The following ADAM22 variants were observed in gnomAD, a reference collection of about 807,000 sequenced individuals.
The protein encoded by ADAM22 is disintegrin and metalloproteinase domain-containing protein 22.
ADAM22 carries 65 observed loss-of-function variants against 144.6 expected under a neutral mutation model. The ratio of observed to expected loss-of-function variants is 0.45; its 90% CI spans 0.37 to 0.55. ADAM22 has a LOEUF of 0.55. Ranked by LOEUF, ADAM22 falls within the 20% of genes least tolerant of loss-of-function variation. The pLI is 0.00. For missense variants in ADAM22, 974 were observed against 1,184.9 expected, an observed-to-expected ratio of 0.82 and a Z score of 2.61; for synonymous variants, 391 against 412.6, an observed-to-expected ratio of 0.95 and a Z score of 0.63.
intron 4 of ADAM22, among the ~76,000 whole-genome samples, chr7:88,104,996 A>C (rs1823976853): frequency 6.6e-6 from 1 of 152,114 alleles, no homozygotes; most frequent in African/African-American, 2.4e-5. Context: ...TCCATTATTG[A>C]ATCATCTATA....
At chr7:87,994,349 C>T (rs368510462) in intron 3 of ADAM22, among the ~76,000 whole-genome samples, 7 of 151,698 alleles carry the variant, frequency 4.6e-5, no homozygotes, top group Non-Finnish European at 1.0e-4. Context: ...TTTTAGTAGA[C>T]ACGGGGTTTC....
intron 2 of ADAM22, among the ~76,000 whole-genome samples, chr7:87,950,971 CT>C (rs1844940452): frequency 6.6e-6 from 1 of 152,110 alleles, no homozygotes; most frequent in Admixed American, 6.5e-5. Context: ...CCTTTGCAAA[CT>C]TTTTGATGGG....
intron 3 of ADAM22, among the ~76,000 whole-genome samples, chr7:88,067,346 T>G (rs1811516660): frequency 6.6e-6 from 1 of 151,494 alleles, no homozygotes; most frequent in Non-Finnish European, 1.5e-5. Context: ...GCTGCACCCA[T>G]TAACTCGTCA....
chr7:88,194,139 G>A lies in ADAM22; in HGVS notation c.2874+900G>A, dbSNP rs537278136. 2.0e-5 allele frequency among the ~76,000 whole-genome samples: 3 copies of A among 152,284 alleles called. No homozygotes were observed. The East Asian group carries it at 5.8e-4, about 29-fold the overall frequency. On this transcript the variant is annotated intron_variant, in intron 31 of 31. Transcript: ENST00000413139. ...TGTCATGTGTGATAATGAAATCTGA[G>A]ACTGAGGTCATTCCTGCCCTCCTCA...
At chr7:88,007,850 A>G (rs1033363286) in intron 3 of ADAM22, among the ~76,000 whole-genome samples, 3 of 152,230 alleles carry the variant, frequency 2.0e-5, no homozygotes, top group Non-Finnish European at 2.9e-5. Context: ...CAAGGACTTC[A>G]TGTCTAAAAC....
intron 26 of ADAM22, among the ~76,000 whole-genome samples, chr7:88,177,649 C>T (rs563680420): frequency 6.6e-5 from 10 of 152,008 alleles, no homozygotes; most frequent in African/African-American, 1.2e-4. Context: ...GATTCACAGA[C>T]GTGTGTAACT....
intron 3 of ADAM22, among the ~76,000 whole-genome samples, chr7:88,018,583 T>A (rs536780094): frequency 6.6e-6 from 1 of 152,354 alleles, no homozygotes; most frequent in East Asian, 1.9e-4. Flanking sequence ...AAGCATCTGC[T>A]TTATTCCTTA....
intron 3 of ADAM22, among the ~76,000 whole-genome samples, chr7:88,052,370 G>T (rs993773159): frequency 6.0e-5 from 9 of 150,838 alleles, no homozygotes; most frequent in African/African-American, 1.7e-4. Context: ...TTAGCCTGGC[G>T]TGGTGGCGGG....
At chr7:88,106,951 A>G (rs1481504255) in intron 4 of ADAM22, among the ~76,000 whole-genome samples, 1 of 152,200 alleles carries the variant, frequency 6.6e-6, no homozygotes, top group African/African-American at 2.4e-5. Flanking sequence ...AATTTTATTA[A>G]TGCAATTGGA....
intron 21 of ADAM22, 63 bp downstream of exon 21, chr7:88,153,389 T>C (rs1189075556): frequency 7.2e-7 from 1 of 1,381,080 alleles, no homozygotes; most frequent in African/African-American, 1.4e-5. Context: ...CTTTTTTGAG[T>C]GACTAGGAAG....
chr7:87,964,330 C>T (rs1216182176), intron 2 of ADAM22, among the ~76,000 whole-genome samples: 3 of 152,170 alleles, frequency 2.0e-5, no homozygotes, highest in Non-Finnish European at 4.4e-5. Context: ...TCTATGTCTC[C>T]TAATAATGGT....
At chr7:88,134,565 T>A (rs1027636528) in intron 13 of ADAM22, 146 bp downstream of exon 13, 3 of 569,234 alleles carry the variant, frequency 5.3e-6, no homozygotes, top group Non-Finnish European at 6.1e-6. Context: ...CAAACTGTTG[T>A]TTTCCAAAGT....
chr7:88,116,951 G>T, intron 7 of ADAM22, 137 bp downstream of exon 7: 2 of 606,220 alleles, frequency 3.3e-6, no homozygotes. Context: ...GCCAAGTCAC[G>T]TCAAGAGGGA....
chr7:88,131,361 G>C lies in ADAM22; in HGVS notation c.918G>C (p.Leu306Phe). The C allele has an allele frequency of 1.2e-6, 2 of 1,613,734 alleles. No homozygotes were observed. Among genetic ancestry groups the C allele is most frequent in the South Asian group, 2.2e-5 (2 of 91,058 alleles). The part of the protein sequence containing the change: ...DNKFAISENP[L>F]ITLREFMKYR... ...AGTTTGCCATATCTGAAAATCCATTGATCACCCTACGTGAGTTTATGAAAT... is the reference window on the plus strand; with the variant it reads ...AGTTTGCCATATCTGAAAATCCATTCATCACCCTACGTGAGTTTATGAAAT... The change falls in exon 11 of 32, where the codon TTG becomes TTC. Residue 306 changes from leucine to phenylalanine, a missense_variant. Coordinates refer to ENST00000413139, the MANE Select transcript of ADAM22 (RefSeq NM_001324418.2).
intron 9 of ADAM22, among the ~76,000 whole-genome samples, chr7:88,128,937 T>C (rs1434223139): frequency 1.3e-5 from 2 of 152,000 alleles, no homozygotes. Context: ...TTAGTAGAGG[T>C]ACTAATATTT....
chr7:88,052,484 A>G (rs1351600160), intron 3 of ADAM22, among the ~76,000 whole-genome samples: 1 of 151,862 alleles, frequency 6.6e-6, no homozygotes, highest in African/African-American at 2.4e-5. Flanking sequence ...TGGGTGACAG[A>G]GCGAAACTGC....
chr7:87,935,594 C>T (rs1841061824), intron 2 of ADAM22, among the ~76,000 whole-genome samples: 2 of 152,094 alleles, frequency 1.3e-5, no homozygotes, highest in African/African-American at 4.8e-5. Context: ...AAGGTTGACA[C>T]TGTAAGAAAA....
chr7:88,183,120 C>G (rs577035364), intron 29 of ADAM22, among the ~76,000 whole-genome samples: 1 of 152,238 alleles, frequency 6.6e-6, no homozygotes, highest in South Asian at 2.1e-4. Context: ...ACACAGTAGA[C>G]AATTTCAAGT....
intron 2 of ADAM22, among the ~76,000 whole-genome samples, chr7:87,963,031 A>G (rs1477423541): frequency 6.6e-6 from 1 of 152,176 alleles, no homozygotes; most frequent in African/African-American, 2.4e-5. Context: ...GCATTATATT[A>G]TTGTCTTGTA....
Sources: allele counts gnomAD v4.1 joint callset (sites outside exome capture counted in the v4.1 genomes callset), GRCh38; gene constraint gnomAD v4.1.1; transcripts MANE v1.5; gene names NCBI Gene and HGNC (gene_info 2026-07-23, HGNC 2026-07-21).